ZNF618: variants seen among roughly 807,000 people sequenced by gnomAD.
ZNF618 encodes the protein neural precursor cell expressed, developmentally down-regulated 10.
A neutral mutation model predicts 103.0 loss-of-function variants in ZNF618; 34 were observed. That is an observed-to-expected ratio of 0.33 (90% CI 0.25 to 0.44). The LOEUF (loss-of-function observed/expected upper bound fraction) is 0.44. ZNF618 is among the 20% of genes least tolerant of loss of function. The pLI, the probability that ZNF618 is intolerant of heterozygous loss-of-function variation, is 1.00. For synonymous variants in ZNF618, 551 were observed against 542.2 expected (o/e 1.02, Z -0.23); for missense variants, 1,059 against 1,295.4 (o/e 0.82, Z 2.80).
At chr9:114,035,893 GGCA>G (rs1844545837) in intron 12 of ZNF618, among the ~76,000 whole-genome samples, 1 of 152,084 alleles carries the variant, frequency 6.6e-6, no homozygotes, top group South Asian at 2.1e-4. Context: ...TTGTTCACTT[GGCA>G]AATAGTGACC....
chr9:113,946,249 A>G (rs1835019353), intron 1 of ZNF618, among the ~76,000 whole-genome samples: 1 of 152,194 alleles, frequency 6.6e-6, no homozygotes, highest in African/African-American at 2.4e-5. Context: ...CGGGGCTTCA[A>G]GAAATTACAG....
chr9:113,897,876 C>T (rs1174228804), intron 1 of ZNF618, among the ~76,000 whole-genome samples: 4 of 152,268 alleles, frequency 2.6e-5, no homozygotes, highest in South Asian at 2.1e-4. Context: ...TCACTGCAAC[C>T]TCTGCCTCCC....
intron 1 of ZNF618, among the ~76,000 whole-genome samples, chr9:113,923,999 G>A (rs1222221519): frequency 1.3e-5 from 2 of 151,974 alleles, no homozygotes; most frequent in African/African-American, 4.8e-5. Flanking sequence ...TTTGGATTAG[G>A]GATGCTAAAC....
chr9:113,993,128 G>GT, intron 3 of ZNF618, among the ~76,000 whole-genome samples: 1 of 152,318 alleles, frequency 6.6e-6, no homozygotes, highest in East Asian at 1.9e-4. Flanking sequence ...GAACAGCTCT[G>GT]TACAGCAGCC....
chr9:113,903,862 C>T (rs868407814), intron 1 of ZNF618, among the ~76,000 whole-genome samples: 2 of 151,884 alleles, frequency 1.3e-5, no homozygotes, highest in South Asian at 4.2e-4. Context: ...AGGATTTTCT[C>T]CTTATCTCTC....
At chr9:113,981,538 T>G (rs960714537) in intron 2 of ZNF618, among the ~76,000 whole-genome samples, 12 of 152,178 alleles carry the variant, frequency 7.9e-5, no homozygotes, top group Non-Finnish European at 1.6e-4. Flanking sequence ...TACTATGACT[T>G]GGTAGAACTC....
chr9:113,935,163 C>G (rs1314312104), intron 1 of ZNF618, among the ~76,000 whole-genome samples: 3 of 152,188 alleles, frequency 2.0e-5, no homozygotes, highest in Non-Finnish European at 2.9e-5. Flanking sequence ...CAGGAAGCTG[C>G]TTTATGGCCC....
intron 1 of ZNF618, among the ~76,000 whole-genome samples, chr9:113,938,925 T>G (rs1315315991): frequency 6.6e-6 from 1 of 152,226 alleles, no homozygotes; most frequent in Non-Finnish European, 1.5e-5. Context: ...GCTGTTGACT[T>G]GCGAATATTT....
intron 2 of ZNF618, among the ~76,000 whole-genome samples, chr9:113,986,915 A>G (rs1328918074): frequency 6.6e-6 from 1 of 152,216 alleles, no homozygotes; most frequent in African/African-American, 2.4e-5. Flanking sequence ...AAACCCAAAG[A>G]AGAGAAAAGT....
chr9:114,002,484 G>T (rs1374740178), intron 5 of ZNF618, 140 bp from the exon 6 acceptor site: 2 of 861,040 alleles, frequency 2.3e-6, no homozygotes, highest in Non-Finnish European at 3.6e-6. Flanking sequence ...GGCAGACAGG[G>T]AGGAGAGGCT....
rs566530276 is a variant in ZNF618 at position 114,050,496 on chromosome 9, C to T, written c.*329C>T. ...CACACGACCCTGGTGCGTGTACATA[C>T]GCCTGTGCTTGGACGGGTGTGCATT... is the stretch of plus-strand genomic sequence containing the variant. On this transcript the variant is annotated 3_prime_UTR_variant, in exon 15 of 15. Transcript: ENST00000374126. 2.8e-5 allele frequency: 6 copies of T among 212,774 alleles called. No individual in the cohort carries two copies. The highest frequency in any genetic ancestry group is 1.4e-4 in the South Asian group (1 of 7,324). 13.2% of individuals were successfully genotyped at this position (212,774 alleles called of 1,614,324 possible).
In ZNF618 at chr9:113,988,441, G is replaced by A. The variant is rs763636422; in HGVS notation, c.198G>A (p.Leu66=). The change falls in exon 3 of 15, where the codon CTG becomes CTA. Residue 66 remains leucine, a synonymous_variant. Transcript: ENST00000374126. ...TMTEVKVKTE[L]PDDYIQEVIW... ...CGGAGGTGAAGGTGAAGACAGAGCTGCCCGATGACTACATCCAGGAGGTGA... is the reference window on the plus strand; with the variant it reads ...CGGAGGTGAAGGTGAAGACAGAGCTACCCGATGACTACATCCAGGAGGTGA... The A allele has an allele frequency of 1.6e-5, 26 of 1,613,658 alleles. No homozygotes were observed. The East Asian group carries it at 5.6e-4, about 35-fold the overall frequency.
chr9:113,877,581 A>G (rs1333718997), intron 1 of ZNF618, among the ~76,000 whole-genome samples: 1 of 152,078 alleles, frequency 6.6e-6, no homozygotes, highest in Non-Finnish European at 1.5e-5. Flanking sequence ...CTAAGATTCT[A>G]AAGAAAACAG....
chr9:114,035,354 C>T (rs976473815), intron 12 of ZNF618: 21 of 646,236 alleles, frequency 3.2e-5, no homozygotes, highest in African/African-American at 2.4e-4. Context: ...GCTGCCCTCC[C>T]GGGCAGACCC....
intron 13 of ZNF618, among the ~76,000 whole-genome samples, chr9:114,045,350 G>C (rs1845564726): frequency 6.6e-6 from 1 of 151,696 alleles, no homozygotes; most frequent in African/African-American, 2.4e-5. Flanking sequence ...TATACTTTTA[G>C]CTCTTACGTT....
At chr9:113,968,085 A>C (rs947132358) in intron 1 of ZNF618, among the ~76,000 whole-genome samples, 1 of 152,288 alleles carries the variant, frequency 6.6e-6, no homozygotes, top group South Asian at 2.1e-4. Flanking sequence ...ATTCAAAAAA[A>C]CTCAAAAAGT....
chr9:114,050,147 C>T lies in ZNF618; in HGVS notation c.2845C>T (p.Leu949=), dbSNP rs948819726. 6.4e-7 allele frequency: 1 copy of T among 1,558,714 alleles called. No individual in the cohort carries two copies. The highest frequency in any genetic ancestry group is 1.4e-5 in the African/African-American group (1 of 72,978). Residue 949 remains leucine, a synonymous_variant, in exon 15 of 15, where the codon CTG becomes TTG. Transcript: ENST00000374126. ...SPEDMNKLMF[L]KSNML is the part of the protein sequence containing the mutation. Reference sequence around the variant, plus strand: ...AGAAGATATGAATAAACTCATGTTTCTGAAATCCAACATGCTTTAAGACTT... The same window carrying T: ...AGAAGATATGAATAAACTCATGTTTTTGAAATCCAACATGCTTTAAGACTT...
chr9:113,953,791 C>A (rs1051101454), intron 1 of ZNF618, among the ~76,000 whole-genome samples: 2 of 152,070 alleles, frequency 1.3e-5, no homozygotes, highest in African/African-American at 4.8e-5. Flanking sequence ...CTGTGCTGGG[C>A]TGTCTGGTGG....
At chr9:113,936,746 G>A (rs1834058579) in intron 1 of ZNF618, among the ~76,000 whole-genome samples, 1 of 152,092 alleles carries the variant, frequency 6.6e-6, no homozygotes, top group South Asian at 2.1e-4. Context: ...TTTACTTTCT[G>A]TTTTTTGAAG....
Sources: allele counts gnomAD v4.1 joint callset (sites outside exome capture counted in the v4.1 genomes callset), GRCh38; gene constraint gnomAD v4.1.1; transcripts MANE v1.5; gene names NCBI Gene and HGNC (gene_info 2026-07-23, HGNC 2026-07-21).